The following DCDC1 variants were observed in gnomAD, a reference collection of about 807,000 sequenced individuals.
DCDC1 encodes doublecortin domain containing 1, also known as doublecortin domain-containing protein 1.
In DCDC1, 200 loss-of-function variants were observed where a neutral mutation model predicts 178.3. The ratio of observed to expected loss-of-function variants is 1.12; its 90% CI spans 1.00 to 1.26. The LOEUF is 1.26. Ranked by LOEUF, DCDC1 falls within the 50% of genes most tolerant of loss-of-function variation. The pLI is 0.00. For missense variants in DCDC1, 1,983 were observed against 1,749.2 expected, an observed-to-expected ratio of 1.13 and a Z score of -2.38; for synonymous variants, 690 against 604.8, an observed-to-expected ratio of 1.14 and a Z score of -2.07.
At chr11:31,204,381 G>T (rs1287537351) in intron 9 of DCDC1, among the ~76,000 whole-genome samples, 2 of 150,916 alleles carry the variant, frequency 1.3e-5, no homozygotes, top group Non-Finnish European at 2.9e-5. Context: ...CAAGCCCTTT[G>T]TATATAAAGT....
intron 38 of DCDC1, among the ~76,000 whole-genome samples, chr11:30,866,094 C>T (rs1203908038): frequency 1.3e-5 from 2 of 152,080 alleles, no homozygotes; most frequent in African/African-American, 4.8e-5. Flanking sequence ...CACTGATGTC[C>T]TTACAACAAT....
At chr11:30,882,872 C>T (rs1942813698) in intron 36 of DCDC1, 1 of 152,092 alleles carries the variant, frequency 6.6e-6, no homozygotes, top group Non-Finnish European at 1.5e-5. Context: ...TGTGTTACCC[C>T]TAAATTCAAA....
At chr11:31,358,526 G>T (rs886724547) in intron 1 of DCDC1, among the ~76,000 whole-genome samples, 3 of 151,568 alleles carry the variant, frequency 2.0e-5, no homozygotes, top group African/African-American at 7.3e-5. Context: ...ACATAGGCAT[G>T]GGCAAGGACT....
Position 30,920,844 on chromosome 11 carries a change from A to T in DCDC1, c.3225T>A (p.Val1075=). The T allele has an allele frequency of 6.2e-7, 1 of 1,613,678 alleles. No individual in the cohort carries two copies. The highest frequency in any genetic ancestry group is 8.5e-7 in the Non-Finnish European group (1 of 1,179,778). ...GCATTTGCTTTTCTTCCGGTTCTGT[A>T]ACTTGCTTCTCTTCTCCAAAAATTG... ...PVAIFGEEKQ[V]TEPEEKQMQE... is the part of the protein sequence containing the mutation. The change falls in exon 25 of 39, where the codon GTT becomes GTA. Residue 1075 remains valine, a synonymous_variant. Transcript: ENST00000684477.
intron 9 of DCDC1, among the ~76,000 whole-genome samples, chr11:31,189,120 A>G (rs903748981): frequency 6.6e-6 from 1 of 152,120 alleles, no homozygotes; most frequent in Non-Finnish European, 1.5e-5. Flanking sequence ...GTTGTTTATA[A>G]ATTACTCAGT....
intron 8 of DCDC1, among the ~76,000 whole-genome samples, chr11:31,244,172 G>A (rs796306516): frequency 3.3e-5 from 5 of 151,822 alleles, no homozygotes; most frequent in African/African-American, 1.2e-4. Context: ...TTAAAGAACT[G>A]TCCATTTAAA....
At chr11:30,901,381 T>C (rs146185492) in intron 32 of DCDC1, among the ~76,000 whole-genome samples, 19 of 152,172 alleles carry the variant, frequency 1.2e-4, no homozygotes, top group Non-Finnish European at 8.8e-5. Flanking sequence ...TTTACAGATA[T>C]GATAACTGAG....
In DCDC1 at chr11:31,287,596, G is replaced by C. The variant is rs147083205; in HGVS notation, c.960+3051C>G. Among the ~76,000 whole-genome samples, 243 of 152,038 alleles carry C rather than the reference G, an allele frequency of 1.6e-3. 1 individual carries two copies. The highest frequency in any genetic ancestry group is 2.5e-3 in the Non-Finnish European group (171 of 67,894). On this transcript the variant is annotated intron_variant, in intron 7 of 38. Transcript: ENST00000684477. The stretch of plus-strand genomic sequence containing the variant: ...CTTTGTGTCACCTACAAAGGACGAT[G>C]AATCAGTCTGATATCAGACTTCTCA...
chr11:31,142,308 G>A (rs1456194663), intron 9 of DCDC1, among the ~76,000 whole-genome samples: 1 of 152,164 alleles, frequency 6.6e-6, no homozygotes, highest in Non-Finnish European at 1.5e-5. Context: ...ATTTTTGGTT[G>A]CCTACCTGTC....
chr11:30,907,723 A>C (rs1945163584), intron 29 of DCDC1, among the ~76,000 whole-genome samples: 1 of 152,196 alleles, frequency 6.6e-6, no homozygotes, highest in African/African-American at 2.4e-5. Context: ...CAACTACTAA[A>C]GAACCACCAG....
chr11:31,051,090 G>A (rs188510998), intron 20 of DCDC1, among the ~76,000 whole-genome samples: 3 of 152,202 alleles, frequency 2.0e-5, no homozygotes, highest in Admixed American at 1.3e-4. Flanking sequence ...AATGATACAC[G>A]AAGTGAAGGG....
chr11:31,035,191 C>T, intron 20 of DCDC1, among the ~76,000 whole-genome samples: 1 of 152,262 alleles, frequency 6.6e-6, no homozygotes, highest in East Asian at 1.9e-4. Flanking sequence ...CCCATATATC[C>T]TTCACCCAGT....
At chr11:30,984,920 G>A (rs1269077801) in intron 20 of DCDC1, among the ~76,000 whole-genome samples, 2 of 152,266 alleles carry the variant, frequency 1.3e-5, no homozygotes, top group Admixed American at 6.5e-5. Flanking sequence ...AAGAAATACA[G>A]TTTTTCCTAA....
chr11:31,290,894 A>G (rs1275647350), intron 6 of DCDC1, 42 bp from the exon 7 acceptor site: 1 of 1,572,426 alleles, frequency 6.4e-7, no homozygotes, highest in Non-Finnish European at 8.7e-7. Flanking sequence ...TTTGGCTTCA[A>G]AATTAAAAAT....
At chr11:31,043,291 G>T (rs1009683075) in intron 20 of DCDC1, among the ~76,000 whole-genome samples, 3 of 152,148 alleles carry the variant, frequency 2.0e-5, no homozygotes, top group Non-Finnish European at 4.4e-5. Flanking sequence ...AGTAATTCAT[G>T]AGACTTTTGC....
At chr11:31,059,964 C>T (rs1370512730) in intron 20 of DCDC1, among the ~76,000 whole-genome samples, 1 of 151,910 alleles carries the variant, frequency 6.6e-6, no homozygotes, top group African/African-American at 2.4e-5. Flanking sequence ...ATTGATTTGC[C>T]TTTCTTTGAA....
At chr11:31,336,121 G>T (rs1198888605) in intron 1 of DCDC1, among the ~76,000 whole-genome samples, 2 of 152,198 alleles carry the variant, frequency 1.3e-5, no homozygotes, top group African/African-American at 4.8e-5. Context: ...TTGTACAGAT[G>T]TTAATAGGTA....
chr11:31,090,324 G>A (rs1293195044), intron 17 of DCDC1, among the ~76,000 whole-genome samples: 1 of 152,178 alleles, frequency 6.6e-6, no homozygotes, highest in African/African-American at 2.4e-5. Flanking sequence ...CTGACTGACA[G>A]TGTAGTGTTG....
chr11:31,345,459 T>C (rs1950766623), intron 1 of DCDC1, among the ~76,000 whole-genome samples: 2 of 152,184 alleles, frequency 1.3e-5, no homozygotes, highest in Admixed American at 1.3e-4. Flanking sequence ...TATATTCACA[T>C]GCATCCTGTT....
Sources: gnomAD v4.1 joint callset for allele counts (sites outside exome capture counted in the v4.1 genomes callset) on GRCh38, gnomAD v4.1.1 for gene constraint, MANE v1.5 for transcripts, NCBI Gene and HGNC (gene_info 2026-07-23, HGNC 2026-07-21) for gene names.